Variants in CACNA2D1 observed in about 807,000 individuals in gnomAD.
CACNA2D1 encodes the protein calcium voltage-gated channel auxiliary subunit alpha2delta 1, also known as voltage-dependent calcium channel subunit alpha-2/delta-1.
CACNA2D1 carries 53 observed loss-of-function variants against 171.5 expected under a neutral mutation model. The observed-to-expected ratio is 0.31, with a 90% CI of 0.25 to 0.39. CACNA2D1 has a LOEUF of 0.39. Ranked by LOEUF, CACNA2D1 falls within the 10% of genes least tolerant of loss-of-function variation. CACNA2D1 has a pLI of 1.00. For missense variants in CACNA2D1, 903 were observed against 1,299.8 expected, an observed-to-expected ratio of 0.69 and a Z score of 4.69; for synonymous variants, 442 against 443.1, an observed-to-expected ratio of 1.00 and a Z score of 0.03.
intron 4 of CACNA2D1, among the ~76,000 whole-genome samples, chr7:82,150,289 A>AC (rs1563123148): frequency 7.9e-5 from 11 of 139,676 alleles, no homozygotes; most frequent in Middle Eastern, 3.9e-3. Context: ...CAACAAAAAA[A>AC]AACACCCTAG....
chr7:82,171,235 G>A (rs1208759365), intron 3 of CACNA2D1, among the ~76,000 whole-genome samples: 1 of 152,040 alleles, frequency 6.6e-6, no homozygotes, highest in Non-Finnish European at 1.5e-5. Context: ...TTTTCCTATA[G>A]CACTTTCGAA....
chr7:82,421,921 T>C (rs1032065364), intron 1 of CACNA2D1, among the ~76,000 whole-genome samples: 6 of 152,208 alleles, frequency 3.9e-5, no homozygotes, highest in Non-Finnish European at 7.3e-5. Flanking sequence ...ATAAATGTTT[T>C]GGTGGTTTCA....
chr7:82,088,897 C>T (rs1810799689), intron 6 of CACNA2D1, among the ~76,000 whole-genome samples: 1 of 151,918 alleles, frequency 6.6e-6, no homozygotes, highest in South Asian at 2.1e-4. Context: ...GATCATCAGG[C>T]ATTACTAGAT....
chr7:82,144,319 A>G (rs1584906265), intron 4 of CACNA2D1, among the ~76,000 whole-genome samples: 1 of 152,042 alleles, frequency 6.6e-6, no homozygotes, highest in Non-Finnish European at 1.5e-5. Flanking sequence ...CTTAAAGTTT[A>G]ATTTTTATTT....
intron 14 of CACNA2D1, among the ~76,000 whole-genome samples, chr7:82,012,543 T>C (rs567521574): frequency 2.6e-5 from 4 of 152,280 alleles, no homozygotes; most frequent in East Asian, 1.9e-4. Context: ...ATACGTTCCC[T>C]GTGAATTGTT....
chr7:81,960,796 A>C (rs1794017982), intron 36 of CACNA2D1, among the ~76,000 whole-genome samples: 1 of 152,082 alleles, frequency 6.6e-6, no homozygotes, highest in African/African-American at 2.4e-5. Flanking sequence ...ACTCTGATGT[A>C]TCCAATAAAC....
chr7:82,326,858 A>G (rs2129442464), intron 3 of CACNA2D1, among the ~76,000 whole-genome samples: 2 of 152,050 alleles, frequency 1.3e-5, no homozygotes, highest in Middle Eastern at 6.8e-3. Context: ...TTCAACTACC[A>G]TTGACTATTC....
chr7:82,306,655 G>C (rs746072880), intron 3 of CACNA2D1, among the ~76,000 whole-genome samples: 7 of 152,140 alleles, frequency 4.6e-5, no homozygotes, highest in African/African-American at 1.7e-4. Context: ...ATTTCTGGGA[G>C]TGAATTTTCT....
chr7:81,957,845 T>C (rs1793604852), intron 38 of CACNA2D1, among the ~76,000 whole-genome samples: 1 of 152,136 alleles, frequency 6.6e-6, no homozygotes, highest in Non-Finnish European at 1.5e-5. Context: ...GGCTTGATCA[T>C]AAGATATAGC....
intron 3 of CACNA2D1, among the ~76,000 whole-genome samples, chr7:82,179,257 A>G (rs1796873338): frequency 1.3e-5 from 2 of 152,078 alleles, no homozygotes; most frequent in Non-Finnish European, 2.9e-5. Context: ...CTTATTCTCT[A>G]CATGTTGACT....
chr7:82,091,082 G>A (rs1208319561), intron 6 of CACNA2D1, among the ~76,000 whole-genome samples: 1 of 151,962 alleles, frequency 6.6e-6, no homozygotes, highest in African/African-American at 2.4e-5. Context: ...AGTGCACAGG[G>A]AAAAAAAGAA....
intron 12 of CACNA2D1, among the ~76,000 whole-genome samples, chr7:82,032,452 T>C (rs926259025): frequency 1.6e-4 from 25 of 151,788 alleles, no homozygotes; most frequent in African/African-American, 4.8e-4. Context: ...TAATAAATTT[T>C]ATCCAATAAA....
chr7:82,261,406 G>T (rs1807084912), intron 3 of CACNA2D1, among the ~76,000 whole-genome samples: 1 of 151,956 alleles, frequency 6.6e-6, no homozygotes, highest in African/African-American at 2.4e-5. Flanking sequence ...ACTCTTTTTT[G>T]CTCAGAGGTG....
intron 3 of CACNA2D1, among the ~76,000 whole-genome samples, chr7:82,186,586 C>T (rs548992293): frequency 2.6e-4 from 39 of 152,182 alleles, no homozygotes; most frequent in Admixed American, 7.2e-4. Flanking sequence ...GGTACGAGGG[C>T]GTTACCATGT....
chr7:82,283,668 C>T (rs1193975275), intron 3 of CACNA2D1, among the ~76,000 whole-genome samples: 3 of 143,636 alleles, frequency 2.1e-5, no homozygotes, highest in African/African-American at 7.3e-5. Context: ...TAAAGAATCT[C>T]TATTTTTTTT....
rs377271663 is a variant in CACNA2D1, at chr7:82,374,904, C to T, written c.96-25255G>A. ...AGTTTTCCCTTATTAAAACCTATCT[C>T]AATAAAATCATTTTGAAAGTAGAAA... On this transcript the variant is annotated intron_variant, in intron 1 of 38. Coordinates refer to ENST00000356860, the MANE Select transcript of CACNA2D1 (RefSeq NM_000722.4). 3.2e-4 allele frequency among the ~76,000 whole-genome samples: 48 copies of T among 152,010 alleles called. 1 individual carries two copies. In the South Asian group the frequency reaches 5.0e-3, roughly 16 times the overall value.
intron 7 of CACNA2D1, among the ~76,000 whole-genome samples, chr7:82,078,823 A>T (rs1809327606): frequency 6.6e-6 from 1 of 152,202 alleles, no homozygotes; most frequent in African/African-American, 2.4e-5. Context: ...GACAGCTTTT[A>T]TAAGAACCTA....
intron 6 of CACNA2D1, among the ~76,000 whole-genome samples, chr7:82,111,587 A>G (rs1267212262): frequency 6.6e-6 from 1 of 150,950 alleles, no homozygotes; most frequent in Non-Finnish European, 1.5e-5. Flanking sequence ...AGCTGGGACT[A>G]TAGGCGCATG....
In CACNA2D1 at chr7:81,946,726, A is replaced by G. The variant is rs549751631; in HGVS notation, c.*3666T>C. 1.3e-5 allele frequency: 2 copies of G among 152,248 alleles called. No homozygotes were observed. The highest frequency in any genetic ancestry group is 3.9e-4 in the East Asian group (2 of 5,178). 9.4% of individuals were successfully genotyped at this position (152,248 alleles called of 1,614,324 possible). ...CGACACTCATACAACACAACAAAAA[A>G]GACAGCTTTACTAGGTCACATTATA... On this transcript the variant is annotated 3_prime_UTR_variant, in exon 39 of 39. Transcript: ENST00000356860.
Sources: gnomAD v4.1 joint callset for allele counts (sites outside exome capture counted in the v4.1 genomes callset) on GRCh38, gnomAD v4.1.1 for gene constraint, MANE v1.5 for transcripts, NCBI Gene and HGNC (gene_info 2026-07-23, HGNC 2026-07-21) for gene names.